KRR1: variants seen among roughly 807,000 people sequenced by gnomAD.
KRR1 encodes KRR1 small subunit processome component homolog.
In KRR1, 23 loss-of-function variants were observed where a neutral mutation model predicts 50.0. That is an observed-to-expected ratio of 0.46 (90% CI 0.33 to 0.65). The LOEUF is 0.65. KRR1 is among the 30% of genes least tolerant of loss of function. The pLI is 0.02. For missense variants in KRR1, 419 were observed against 442.4 expected, an observed-to-expected ratio of 0.95 and a Z score of 0.47; for synonymous variants, 133 against 146.3, an observed-to-expected ratio of 0.91 and a Z score of 0.66.
rs776343118 is a variant in KRR1, at chr12:75,506,803, T to A, written c.372A>T (p.Ala124=). 1 of 1,611,512 alleles carries A rather than the reference T, an allele frequency of 6.2e-7. No individual in the cohort carries two copies. Among genetic ancestry groups the A allele is most frequent in the Non-Finnish European group, 8.5e-7 (1 of 1,179,068 alleles). The change falls in exon 3 of 10, where the codon GCA becomes GCT. Residue 124 remains alanine (A), a synonymous_variant. Coordinates refer to ENST00000229214, the MANE Select transcript of KRR1 (RefSeq NM_007043.7). ...IRARDLIKLL[A]RSVSFEQAVR... ...TTACCTGTTCAAATGAAACACTCCT[T>A]GCTAACAGTTTTATCAGATCTCTGG... is the stretch of plus-strand genomic sequence containing the variant.
intron 9 of KRR1, chr12:75,500,191 C>T (rs2046382147): frequency 3.7e-6 from 1 of 268,702 alleles, no homozygotes; most frequent in Admixed American, 5.3e-5. Context: ...TACAAGTATA[C>T]ATAAAAATGG....
intron 5 of KRR1, among the ~76,000 whole-genome samples, chr12:75,505,922 G>A (rs1160855099): frequency 3.3e-5 from 5 of 152,104 alleles, no homozygotes; most frequent in Non-Finnish European, 7.4e-5. Context: ...AGTTTTCAGA[G>A]TGTGACCTCT....
chr12:75,492,471 G>C lies in KRR1; in HGVS notation c.*7338C>G, dbSNP rs1362639337. ...CTGAATCTCAGTTTAACCTCCAATAGATCAGGGTTACAGGACCCATCACTT... is the reference window on the plus strand; with the variant it reads ...CTGAATCTCAGTTTAACCTCCAATACATCAGGGTTACAGGACCCATCACTT... On this transcript the variant is annotated 3_prime_UTR_variant, in exon 10 of 10. Transcript: ENST00000229214. 6.6e-6 allele frequency: 1 copy of C among 152,186 alleles called. No homozygotes were observed. The highest frequency in any genetic ancestry group is 1.9e-4 in the East Asian group (1 of 5,206). The allele number at this position is 152,186 out of a possible 1,614,324, so 9.4% of individuals were successfully genotyped here.
intron 7 of KRR1, chr12:75,503,643 A>G: frequency 3.5e-6 from 1 of 288,468 alleles, no homozygotes. Context: ...ACTTTTATCC[A>G]TGGAACATTT....
Position 75,498,388 on chromosome 12 carries a change from ATTTAATT to A in KRR1, c.*1414_*1420del. On this transcript the variant is annotated 3_prime_UTR_variant, in exon 10 of 10. Transcript: ENST00000229214. The stretch of plus-strand genomic sequence containing the variant: ...TTTAATAAATTTCTCACATTCTAAT[ATTTAATT>A]TTTATTTTTTAAATTTTATTACCTG... The A allele has an allele frequency of 4.7e-6, 1 of 212,342 alleles. No homozygotes were observed. Among genetic ancestry groups the A allele is most frequent in the Non-Finnish European group, 9.3e-6 (1 of 108,026 alleles). The allele number at this position is 212,342 out of a possible 1,614,324, so 13.2% of individuals were successfully genotyped here.
At position 75,495,602 on chromosome 12, in the gene KRR1, A is replaced by G. The variant is rs1362606571; in HGVS notation, c.*4207T>C. The G allele has an allele frequency of 1.2e-6, 2 of 1,609,780 alleles. No individual in the cohort carries two copies. The highest frequency in any genetic ancestry group is 1.3e-5 in the African/African-American group (1 of 74,832). ...AGGGAATTACCCAACTTGGCCATATAAGAGAGGAGCCACCTGCAGTGCCTG... is the reference window on the plus strand; with the variant it reads ...AGGGAATTACCCAACTTGGCCATATGAGAGAGGAGCCACCTGCAGTGCCTG... On this transcript the variant is annotated 3_prime_UTR_variant, in exon 10 of 10. Coordinates refer to ENST00000229214, the MANE Select transcript of KRR1 (RefSeq NM_007043.7).
In KRR1 at chr12:75,508,293, T is replaced by C; in HGVS notation, c.239A>G (p.Gln80Arg). ...AYLKECWPLVQKALNEHHVNA... is the reference protein window; with the variant it reads ...AYLKECWPLVRKALNEHHVNA... ...ACATACATGTTCATTTAAGGCTTTC[T>C]GCACCAATGGCCAACACTCTTTCAA... The change falls in exon 2 of 10, where the codon CAG (glutamine) becomes CGG (arginine). Residue 80 changes from glutamine to arginine, a missense_variant. Coordinates refer to ENST00000229214, the MANE Select transcript of KRR1 (RefSeq NM_007043.7). 6.2e-7 allele frequency: 1 copy of C among 1,610,764 alleles called. No homozygotes were observed. The highest frequency in any genetic ancestry group is 8.5e-7 in the Non-Finnish European group (1 of 1,178,766).
chr12:75,504,143 T>A, intron 6 of KRR1, 69 bp from the exon 7 acceptor site: 1 of 1,064,302 alleles, frequency 9.4e-7, no homozygotes, highest in South Asian at 1.8e-5. Flanking sequence ...TCAGACATTA[T>A]AAATATTGCT....
Position 75,506,537 on chromosome 12 carries a change from T to C in KRR1, c.466A>G (p.Arg156Gly). ...AGCCGTTGTCTTCGTTTTACAAATC[T>C]CTCTTTATTCCTTACTAAAGAACCT... ...KIGSLVRNKE[R>G]FVKRRQRLIG... The change falls in exon 4 of 10, where the codon AGA (arginine) becomes GGA (glycine). Residue 156 changes from arginine to glycine, a missense_variant. Coordinates refer to ENST00000229214, the MANE Select transcript of KRR1 (RefSeq NM_007043.7). 1 of 1,611,424 alleles carries C rather than the reference T, an allele frequency of 6.2e-7. No individual in the cohort carries two copies. The highest frequency in any genetic ancestry group is 1.7e-5 in the Admixed American group (1 of 59,722).
chr12:75,500,844 CTATTGAGTA>C (rs1272932246), intron 9 of KRR1: 2 of 151,984 alleles, frequency 1.3e-5, no homozygotes, highest in African/African-American at 2.4e-5. Flanking sequence ...GGGTAACTAG[CTATTGAGTA>C]TATTGAGTAC....
Position 75,499,044 on chromosome 12 carries a change from T to TAACA in KRR1, c.*761_*764dup, listed in dbSNP as rs1022129851. 9 of 1,018,184 alleles carry TAACA rather than the reference T, an allele frequency of 8.8e-6. No homozygotes were observed. Among genetic ancestry groups the TAACA allele is most frequent in the Admixed American group, 2.6e-5 (1 of 38,214 alleles). 63.1% of individuals were successfully genotyped at this position (1,018,184 alleles called of 1,614,324 possible). On this transcript the variant is annotated 3_prime_UTR_variant, in exon 10 of 10. Transcript: ENST00000229214. Reference sequence around the variant, plus strand: ...CACATATGGCTTTTTTTTTAACCAATAACAATTAGGTGTACTTCTATTTTA... The same window carrying TAACA: ...CACATATGGCTTTTTTTTTAACCAATAACAAACAATTAGGTGTACTTCTATTTTA...
intron 1 of KRR1, among the ~76,000 whole-genome samples, chr12:75,509,216 C>T (rs1049417179): frequency 6.6e-6 from 1 of 152,166 alleles, no homozygotes; most frequent in African/African-American, 2.4e-5. Context: ...TAGCTATACT[C>T]TAATTCAGTT....
Position 75,506,922 on chromosome 12 carries a change from G to A in KRR1, c.259-6C>T, listed in dbSNP as rs2704766. 1,009,128 of 1,581,998 alleles carry A rather than the reference G, an allele frequency of 0.64. 322,958 individuals are homozygous for A. The highest frequency in any genetic ancestry group is 0.67 in the South Asian group (57,610 of 85,546). On this transcript the variant is annotated splice_region_variant and splice_polypyrimidine_tract_variant and intron_variant, in intron 2 of 9. Transcript: ENST00000229214. ...TCCAGGGTTGCATTAACATGCTACA[G>A]AAGGAAAGAGCAAACAAGCAGTTGT...
chr12:75,502,106 A>T, intron 7 of KRR1, 106 bp from the exon 8 acceptor site: 1 of 844,204 alleles, frequency 1.2e-6, no homozygotes, highest in South Asian at 1.5e-5. Flanking sequence ...GGTCAAACTG[A>T]TTTATTAATA....
At chr12:75,507,260 T>C (rs2046426618) in intron 2 of KRR1, among the ~76,000 whole-genome samples, 1 of 152,320 alleles carries the variant, frequency 6.6e-6, no homozygotes, top group Admixed American at 6.5e-5. Context: ...ACAGCTTCCC[T>C]ATTCTGGACC....
chr12:75,504,376 T>G (rs936608881), intron 6 of KRR1: 5 of 186,724 alleles, frequency 2.7e-5, no homozygotes, highest in Non-Finnish European at 5.5e-5. Context: ...CAGGGAGGGC[T>G]CTTAATTAGC....
intron 9 of KRR1, 139 bp downstream of exon 9, chr12:75,501,584 G>GTCCTTAGGATTAGTAATTAATGAAAT: frequency 1.6e-6 from 1 of 622,694 alleles, no homozygotes; most frequent in South Asian, 2.1e-5. Context: ...GCCATCCCTT[G>GTCCTTAGGATTAGTAATTAATGAAAT]TCCTTAGGAT....
chr12:75,497,714 C>A lies in KRR1; in HGVS notation c.*2095G>T, dbSNP rs775360841. The A allele has an allele frequency of 2.0e-5, 3 of 152,016 alleles. No homozygotes were observed. The highest frequency in any genetic ancestry group is 4.4e-5 in the Non-Finnish European group (3 of 68,002). The allele number at this position is 152,016 out of a possible 1,614,324, so 9.4% of individuals were successfully genotyped here. A position where few individuals can be genotyped will look rare whatever the true frequency, so the allele number is the denominator to read the frequency against. On this transcript the variant is annotated 3_prime_UTR_variant, in exon 10 of 10. Transcript: ENST00000229214. ...GCAAGCACTGGAGCATAAATTCCTT[C>A]GTGGTATTCCTTCGTGGTCTCCTAG...
intron 2 of KRR1, 92 bp downstream of exon 2, chr12:75,508,182 A>T: frequency 4.0e-5 from 6 of 150,310 alleles, no homozygotes; most frequent in East Asian, 4.0e-4. Flanking sequence ...TAGCACCATT[A>T]AAAAAAAAAA....
Sources: allele counts gnomAD v4.1 joint callset (sites outside exome capture counted in the v4.1 genomes callset), GRCh38; gene constraint gnomAD v4.1.1; transcripts MANE v1.5; gene names NCBI Gene and HGNC (gene_info 2026-07-23, HGNC 2026-07-21).